The following WDR72 variants were observed in gnomAD, a reference collection of about 807,000 sequenced individuals.
WDR72 encodes WD repeat-containing protein 72.
Under a neutral mutation model 124.2 loss-of-function variants are expected in WDR72, and 120 were observed. The observed-to-expected ratio is 0.97, with a 90% CI of 0.83 to 1.12. WDR72 has a LOEUF of 1.12. WDR72 is among the 50% of genes most tolerant of loss of function. The probability of loss-of-function intolerance (pLI) is 0.00; values close to 1 mark genes in which losing one functional copy is unlikely to be tolerated. For synonymous variants in WDR72, 452 were observed against 441.7 expected (o/e 1.02, Z -0.29); for missense variants, 1,387 against 1,278.8 (o/e 1.08, Z -1.29).
intron 4 of WDR72, 148 bp from the exon 5 acceptor site, chr15:53,715,515 G>C: frequency 1.1e-6 from 1 of 928,374 alleles, no homozygotes; most frequent in East Asian, 2.6e-5. Flanking sequence ...TCTTAGTTCA[G>C]TTATTCCAAA....
chr15:53,743,896 AC>A (rs940551027), intron 1 of WDR72, among the ~76,000 whole-genome samples: 7 of 151,270 alleles, frequency 4.6e-5, no homozygotes, highest in Non-Finnish European at 7.4e-5. Flanking sequence ...AATGGCGTGA[AC>A]CCGGGAGGCG....
intron 2 of WDR72, among the ~76,000 whole-genome samples, 183 bp from the exon 3 acceptor site, chr15:53,723,091 T>C (rs187613839): frequency 1.1e-4 from 16 of 152,326 alleles, no homozygotes; most frequent in Admixed American, 1.0e-3. Context: ...GTAGAGGAAT[T>C]GTGCTGTAGA....
intron 18 of WDR72, among the ~76,000 whole-genome samples, chr15:53,571,551 C>T (rs1416704889): frequency 2.0e-5 from 3 of 152,092 alleles, no homozygotes; most frequent in Non-Finnish European, 2.9e-5. Context: ...ACTAGGATTT[C>T]CTTCTTTTTA....
intron 18 of WDR72, among the ~76,000 whole-genome samples, chr15:53,567,713 C>G (rs1246512505): frequency 6.6e-6 from 1 of 151,774 alleles, no homozygotes; most frequent in African/African-American, 2.4e-5. Flanking sequence ...TTAAACTGAT[C>G]TTTATAGGAA....
chr15:53,733,009 T>G lies in WDR72; in HGVS notation c.141A>C (p.Ser47=), dbSNP rs1334463497. 1.9e-6 allele frequency: 3 copies of G among 1,614,120 alleles called. No individual in the cohort carries two copies. Among genetic ancestry groups the G allele is most frequent in the Non-Finnish European group, 2.5e-6 (3 of 1,179,960 alleles). ...QEGQLCLWNL[S]HELKISAKEL... ...AGCTTTCACTAACCTTTAGTTCATG[T>G]GAGAGATTCCAGAGACAGAGCTGAC... is the stretch of plus-strand genomic sequence containing the variant. Residue 47 remains serine (S), a synonymous_variant, in exon 2 of 20, where the codon TCA becomes TCC. Transcript: ENST00000360509.
chr15:53,754,926 G>A (rs1342578586), intron 1 of WDR72, among the ~76,000 whole-genome samples: 2 of 152,160 alleles, frequency 1.3e-5, no homozygotes, highest in Non-Finnish European at 2.9e-5. Flanking sequence ...AATCAATAAA[G>A]ATATGTTTTC....
At chr15:53,540,719 TC>T (rs1468913823) in intron 18 of WDR72, among the ~76,000 whole-genome samples, 4 of 152,116 alleles carry the variant, frequency 2.6e-5, no homozygotes, top group Non-Finnish European at 4.4e-5. Context: ...TTTCTGCACT[TC>T]CATCTGAGGT....
intron 13 of WDR72, among the ~76,000 whole-genome samples, chr15:53,699,520 C>T (rs2017100823): frequency 6.6e-6 from 1 of 152,168 alleles, no homozygotes; most frequent in Non-Finnish European, 1.5e-5. Flanking sequence ...AAATATCCGG[C>T]TCATTCCTGT....
intron 1 of WDR72, among the ~76,000 whole-genome samples, chr15:53,757,033 T>C (rs953351843): frequency 6.6e-6 from 1 of 152,208 alleles, no homozygotes; most frequent in African/African-American, 2.4e-5. Flanking sequence ...CCCAAATGTC[T>C]TTTCAGACCA....
intron 13 of WDR72, among the ~76,000 whole-genome samples, chr15:53,694,220 T>G (rs142304038): frequency 8.6e-4 from 131 of 152,308 alleles, no homozygotes; most frequent in African/African-American, 3.0e-3. Context: ...TGCAGAGATC[T>G]GTAGGAGCTT....
intron 16 of WDR72, among the ~76,000 whole-genome samples, chr15:53,610,717 G>C (rs1287941822): frequency 6.6e-6 from 1 of 151,956 alleles, no homozygotes; most frequent in African/African-American, 2.4e-5. Flanking sequence ...TTTCCTGATA[G>C]AGCATTTAAT....
rs967017461 is a variant in WDR72, at chr15:53,546,520, G to C, written c.3149-23198C>G. On this transcript the variant is annotated intron_variant, in intron 18 of 19. Coordinates refer to ENST00000360509, the MANE Select transcript of WDR72 (RefSeq NM_182758.4). The stretch of plus-strand genomic sequence containing the variant: ...CACACTCTGGGGACTGTGGTGGGGT[G>C]GGGGGAGAGGGGAGGGATAGCATTG... 5.3e-5 allele frequency among the ~76,000 whole-genome samples: 8 copies of C among 151,468 alleles called. No homozygotes were observed. In the South Asian group the frequency reaches 6.3e-4, roughly 12 times the overall value.
At chr15:53,556,306 T>G (rs1213315387) in intron 18 of WDR72, among the ~76,000 whole-genome samples, 3 of 152,144 alleles carry the variant, frequency 2.0e-5, no homozygotes, top group Non-Finnish European at 4.4e-5. Flanking sequence ...AATTGTTAAG[T>G]TAGAGTATTG....
intron 18 of WDR72, 67 bp downstream of exon 18, chr15:53,597,012 T>C (rs1279389058): frequency 6.7e-7 from 1 of 1,489,026 alleles, no homozygotes. Flanking sequence ...TGCACCACCA[T>C]AAGTTGGAGA....
chr15:53,735,192 G>C (rs2018316703), intron 1 of WDR72, among the ~76,000 whole-genome samples: 1 of 152,156 alleles, frequency 6.6e-6, no homozygotes, highest in Non-Finnish European at 1.5e-5. Flanking sequence ...TCGGGAGGCT[G>C]AGGTGGGGAA....
intron 13 of WDR72, among the ~76,000 whole-genome samples, chr15:53,697,456 A>T (rs2017037507): frequency 6.6e-6 from 1 of 152,084 alleles, no homozygotes; most frequent in South Asian, 2.1e-4. Context: ...CTTTTCTATG[A>T]CTTCATGGGG....
chr15:53,702,065 G>T, intron 12 of WDR72, 69 bp downstream of exon 12: 1 of 1,203,558 alleles, frequency 8.3e-7, no homozygotes, highest in South Asian at 1.5e-5. Context: ...ATTTTTACTT[G>T]TCTTATTAAG....
chr15:53,715,126 C>T, intron 5 of WDR72, 67 bp downstream of exon 5: 1 of 1,545,214 alleles, frequency 6.5e-7, no homozygotes, highest in South Asian at 1.2e-5. Flanking sequence ...AATAATTTGA[C>T]AAATAATTCA....
chr15:53,523,350 G>GAGAC (rs1566940597), intron 18 of WDR72, 28 bp from the exon 19 acceptor site: 6 of 1,593,532 alleles, frequency 3.8e-6, no homozygotes, highest in Non-Finnish European at 4.3e-6. Flanking sequence ...GAGAGAGAGA[G>GAGAC]AGACAGAAGA....
Sources: allele counts gnomAD v4.1 joint callset (sites outside exome capture counted in the v4.1 genomes callset), GRCh38; gene constraint gnomAD v4.1.1; transcripts MANE v1.5; gene names NCBI Gene and HGNC (gene_info 2026-07-23, HGNC 2026-07-21).